Variants in NTRK2 observed in about 807,000 individuals in gnomAD.
NTRK2 encodes neurotrophic receptor tyrosine kinase 2, also known as BDNF/NT-3 growth factors receptor.
In NTRK2, 13 loss-of-function variants were observed where a neutral mutation model predicts 94.5. The ratio of observed to expected loss-of-function variants is 0.14; its 90% CI spans 0.09 to 0.22. NTRK2 has a LOEUF of 0.22. Ranked by LOEUF, NTRK2 falls within the 10% of genes least tolerant of loss-of-function variation. The pLI is 1.00. For missense variants in NTRK2, 639 were observed against 1,071.2 expected, an observed-to-expected ratio of 0.60 and a Z score of 5.63; for synonymous variants, 372 against 407.4, an observed-to-expected ratio of 0.91 and a Z score of 1.05.
At chr9:84,853,461 A>G (rs953246286) in intron 12 of NTRK2, among the ~76,000 whole-genome samples, 3 of 152,194 alleles carry the variant, frequency 2.0e-5, no homozygotes, top group Admixed American at 6.5e-5. Flanking sequence ...GTCATGTTCC[A>G]TTGGAGAGCC....
intron 17 of NTRK2, among the ~76,000 whole-genome samples, chr9:84,965,609 A>G (rs1825465182): frequency 6.6e-6 from 1 of 152,200 alleles, no homozygotes; most frequent in Admixed American, 6.5e-5. Context: ...GTTAACAAGT[A>G]CTTTTTGGGA....
chr9:84,926,178 CT>C (rs1171411047), intron 14 of NTRK2, among the ~76,000 whole-genome samples: 1 of 71,754 alleles, frequency 1.4e-5, no homozygotes, highest in Non-Finnish European at 3.2e-5. Flanking sequence ...TCCTTTCTTT[CT>C]TTCTTTCTTT....
chr9:84,814,842 C>T lies in NTRK2; in HGVS notation c.1397-46198C>T. 3.8e-6 allele frequency: 4 copies of T among 1,063,878 alleles called. No homozygotes were observed. The South Asian group carries it at 1.8e-4, about 48-fold the overall frequency. 65.9% of individuals were successfully genotyped at this position (1,063,878 alleles called of 1,614,324 possible). ...CACATCTAGTCTATGTCCCCAGAGC[C>T]CTTGGAGTTGCGCAGCTTAGCTGAC... On this transcript the variant is annotated intron_variant, in intron 12 of 18. Transcript: ENST00000277120.
chr9:84,874,631 G>A (rs745415879), intron 14 of NTRK2: 1 of 1,061,722 alleles, frequency 9.4e-7, no homozygotes, highest in Non-Finnish European at 1.1e-6. Flanking sequence ...AAGGAAATGG[G>A]GAGAGAGCTA....
chr9:84,947,369 C>T (rs1179203802), intron 15 of NTRK2, among the ~76,000 whole-genome samples: 7 of 152,190 alleles, frequency 4.6e-5, no homozygotes, highest in Admixed American at 2.0e-4. Flanking sequence ...GCTGCATTTG[C>T]CACATCAGGC....
At chr9:84,761,665 C>G (rs1469499705) in intron 12 of NTRK2, among the ~76,000 whole-genome samples, 1 of 152,174 alleles carries the variant, frequency 6.6e-6, no homozygotes, top group Non-Finnish European at 1.5e-5. Context: ...TGTGTAGCCA[C>G]AGTCTCTTTA....
At chr9:84,969,435 C>T (rs760485839) in intron 17 of NTRK2, among the ~76,000 whole-genome samples, 6 of 152,214 alleles carry the variant, frequency 3.9e-5, no homozygotes, top group Admixed American at 2.0e-4. Context: ...CTTTAGCAGT[C>T]TGGGGAAGCC....
intron 11 of NTRK2, among the ~76,000 whole-genome samples, chr9:84,747,882 T>A (rs1240108599): frequency 6.6e-6 from 1 of 152,178 alleles, no homozygotes; most frequent in African/African-American, 2.4e-5. Flanking sequence ...AGTTTGTATA[T>A]TATGACTTTG....
chr9:84,724,198 A>G, intron 7 of NTRK2, 26 bp from the exon 8 acceptor site: 4 of 1,613,988 alleles, frequency 2.5e-6, no homozygotes, highest in Non-Finnish European at 3.4e-6. Flanking sequence ...AATCAAGGTT[A>G]TTTTTGTCTG....
chr9:84,702,541 A>C, intron 4 of NTRK2, 122 bp downstream of exon 4: 1 of 843,160 alleles, frequency 1.2e-6, no homozygotes, highest in Non-Finnish European at 2.0e-6. Context: ...TAGCTGTGAT[A>C]ATAGCTTAGA....
intron 14 of NTRK2, among the ~76,000 whole-genome samples, chr9:84,907,688 C>CT (rs199660493): frequency 0.086 from 11,456 of 133,844 alleles, 569 homozygotes; most frequent in South Asian, 0.23. Context: ...TACTCTTCTT[C>CT]TTTTTTTTTT....
intron 11 of NTRK2, among the ~76,000 whole-genome samples, chr9:84,748,323 A>G (rs971032838): frequency 1.3e-5 from 2 of 152,250 alleles, no homozygotes; most frequent in African/African-American, 4.8e-5. Flanking sequence ...TGTTTACGAA[A>G]GGATTTAAAT....
At chr9:84,879,273 T>A (rs2076184830) in intron 14 of NTRK2, among the ~76,000 whole-genome samples, 1 of 152,048 alleles carries the variant, frequency 6.6e-6, no homozygotes. Flanking sequence ...GTCTGAGAAA[T>A]AATCTAGGGG....
chr9:84,872,324 A>G, intron 14 of NTRK2: 1 of 1,103,948 alleles, frequency 9.1e-7, no homozygotes. Flanking sequence ...AAACATACTA[A>G]CCAGCAAAAT....
intron 17 of NTRK2, among the ~76,000 whole-genome samples, chr9:84,978,634 G>A (rs1827199031): frequency 6.6e-6 from 1 of 152,150 alleles, no homozygotes. Flanking sequence ...CATGAAGGTG[G>A]CTGCACTAAA....
At chr9:84,755,525 C>CCT in intron 12 of NTRK2, among the ~76,000 whole-genome samples, 1 of 60,644 alleles carries the variant, frequency 1.6e-5, no homozygotes, top group Non-Finnish European at 3.2e-5. Context: ...AGTCCCACCT[C>CCT]TTTTTTTTTT....
chr9:84,942,734 ATAT>A (rs2078454772), intron 15 of NTRK2, among the ~76,000 whole-genome samples: 1 of 152,078 alleles, frequency 6.6e-6, no homozygotes, highest in African/African-American at 2.4e-5. Context: ...GAGAGAGTTT[ATAT>A]TATTTTATTT....
intron 17 of NTRK2, among the ~76,000 whole-genome samples, chr9:84,998,941 C>T (rs1331666611): frequency 6.6e-6 from 1 of 152,206 alleles, no homozygotes; most frequent in Non-Finnish European, 1.5e-5. Flanking sequence ...TTGTCAGCCT[C>T]TTCTTTGGAA....
At chr9:84,705,097 T>G (rs1036806985) in intron 4 of NTRK2, among the ~76,000 whole-genome samples, 1 of 152,166 alleles carries the variant, frequency 6.6e-6, no homozygotes, top group Non-Finnish European at 1.5e-5. Context: ...ATGATCTCTC[T>G]GAGTTTCCCC....
Sources: gnomAD v4.1 joint callset for allele counts (sites outside exome capture counted in the v4.1 genomes callset) on GRCh38, gnomAD v4.1.1 for gene constraint, MANE v1.5 for transcripts, NCBI Gene and HGNC (gene_info 2026-07-23, HGNC 2026-07-21) for gene names.